The following JAG1 variants were observed in gnomAD, a reference collection of about 807,000 sequenced individuals.
The protein encoded by JAG1 is jagged canonical Notch ligand 1.
In JAG1, 23 loss-of-function variants were observed where a neutral mutation model predicts 148.7. The ratio of observed to expected loss-of-function variants is 0.15; its 90% CI spans 0.11 to 0.22. The LOEUF is 0.22. Ranked by LOEUF, JAG1 falls within the 10% of genes least tolerant of loss-of-function variation. The pLI is 1.00. For missense variants in JAG1, 1,054 were observed against 1,611.2 expected (o/e 0.65, Z 5.92); for synonymous variants, 572 against 598.3 (o/e 0.96, Z 0.64).
At chr20:10,663,276 G>A (rs942538964) in intron 3 of JAG1, among the ~76,000 whole-genome samples, 7 of 152,170 alleles carry the variant, frequency 4.6e-5, no homozygotes, top group Non-Finnish European at 4.4e-5. Context: ...GCTCGTGAGC[G>A]AAAACACTGT....
chr20:10,655,851 T>G (rs2122619414), intron 5 of JAG1, among the ~76,000 whole-genome samples: 1 of 152,306 alleles, frequency 6.6e-6, no homozygotes. Context: ...AGGAACAGAC[T>G]TCAAAGGACT....
At chr20:10,664,087 TC>T in intron 2 of JAG1, 73 bp from the exon 3 acceptor site, 1 of 1,185,048 alleles carries the variant, frequency 8.4e-7, no homozygotes, top group Non-Finnish European at 1.3e-6. Flanking sequence ...ATTCTTGGCC[TC>T]CCAGAATACC....
chr20:10,667,000 C>G (rs1379228148), intron 2 of JAG1, among the ~76,000 whole-genome samples: 2 of 152,204 alleles, frequency 1.3e-5, no homozygotes, highest in Non-Finnish European at 2.9e-5. Flanking sequence ...TACCTTGGCA[C>G]TGGGCAGAGC....
chr20:10,672,869 T>C lies in JAG1; in HGVS notation c.219A>G (p.Thr73=), dbSNP rs1216029732. The change falls in exon 2 of 26, where the codon ACA becomes ACG. Residue 73 remains threonine, a synonymous_variant. Transcript: ENST00000254958. ...DRKCTRDECD[T]YFKVCLKEYQ... is the part of the protein sequence containing the mutation. Reference sequence around the variant, plus strand: ...ACTCCTTGAGGCACACTTTGAAGTATGTGTCACACTCGTCGCGGGTGCACT... The same window carrying C: ...ACTCCTTGAGGCACACTTTGAAGTACGTGTCACACTCGTCGCGGGTGCACT... 6.2e-7 allele frequency: 1 copy of C among 1,613,308 alleles called. No homozygotes were observed.
Position 10,645,908 on chromosome 20 carries a change from G to C in JAG1, c.1999+63C>G. 8.8e-7 allele frequency: 1 copy of C among 1,140,522 alleles called. No individual in the cohort carries two copies. The highest frequency in any genetic ancestry group is 1.2e-5 in the South Asian group (1 of 81,788). The allele number at this position is 1,140,522 out of a possible 1,614,324, so 70.7% of individuals were successfully genotyped here. On this transcript the variant is annotated intron_variant, in intron 15 of 25. Transcript: ENST00000254958. The surrounding 1 kb of genome is among the most constrained non-coding windows in gnomAD (Gnocchi z 6.1). ...AGTACAAAGAAAGTTTTCCCACGTT[G>C]AAGTGGGATCCCTCCAACATGACCC...
In JAG1 at chr20:10,644,864, C is replaced by G. The variant is rs761900799; in HGVS notation, c.2343G>C (p.Gln781His). Residue 781 changes from glutamine to histidine, a missense_variant and splice_region_variant, in exon 18 of 26, where the codon CAG (glutamine) becomes CAC (histidine). Gln to His is a conservative substitution (Grantham distance 24). Transcript: ENST00000254958. ...AGTTCAAGGGGGGAGGACACTCACTCTGAGCACAGATGGGCCCCTCCCAGC... is the reference window on the plus strand; with the variant it reads ...AGTTCAAGGGGGGAGGACACTCACTGTGAGCACAGATGGGCCCCTCCCAGC... ...KEGWEGPICA[Q>H]NTNDCSPHPC... The G allele has an allele frequency of 6.2e-7, 1 of 1,610,786 alleles. No individual in the cohort carries two copies. Among genetic ancestry groups the G allele is most frequent in the South Asian group, 1.1e-5 (1 of 91,008 alleles).
Position 10,642,532 on chromosome 20 carries a change from C to T in JAG1, c.2528G>A (p.Arg843Gln), listed in dbSNP as rs751448440. 1.9e-5 allele frequency: 30 copies of T among 1,613,808 alleles called. No individual in the cohort carries two copies. Among genetic ancestry groups the T allele is most frequent in the African/African-American group, 8.0e-5 (6 of 75,026 alleles). ...ATCVDEINGY[R>Q]CVCPPGHSGA... is the part of the protein sequence containing the mutation. ...ACTGTGCCCTGGAGGGCAGACACAC[C>T]GGTAGCCATTGATCTCATCCACACA... The change falls in exon 21 of 26, where the codon CGG becomes CAG. Residue 843 changes from arginine to glutamine, a missense_variant. Coordinates refer to ENST00000254958, the MANE Select transcript of JAG1 (RefSeq NM_000214.3).
chr20:10,649,384 C>T, intron 10 of JAG1, 138 bp downstream of exon 10: 1 of 711,086 alleles, frequency 1.4e-6, no homozygotes. Context: ...GCTGCCCTGA[C>T]CACTCCCTCT....
chr20:10,641,783 C>T lies in JAG1; in HGVS notation c.2682G>A (p.Lys894=), dbSNP rs1896874855. ...AACTGCGGCAGCCATCATGTCCTAC[C>T]TTTGAGCAGGCGATCCGTCCATTCA... ...QCLNGRIACS[K]VWCGPRPCLL... The change falls in exon 22 of 26, where the codon AAG becomes AAA. Residue 894 remains lysine (K), a splice_region_variant and synonymous_variant. Coordinates refer to ENST00000254958, the MANE Select transcript of JAG1 (RefSeq NM_000214.3). 6.2e-7 allele frequency: 1 copy of T among 1,613,280 alleles called. No individual in the cohort carries two copies. Among genetic ancestry groups the T allele is most frequent in the African/African-American group, 1.3e-5 (1 of 74,910 alleles).
At chr20:10,664,979 T>G (rs182049081) in intron 2 of JAG1, among the ~76,000 whole-genome samples, 54 of 152,306 alleles carry the variant, frequency 3.5e-4, no homozygotes, top group African/African-American at 1.2e-3. Context: ...AGCGTTTAAA[T>G]GAAGCTTCTG....
Position 10,645,137 on chromosome 20 carries a change from A to C in JAG1, c.2227+6T>G. 6.2e-7 allele frequency: 1 copy of C among 1,611,170 alleles called. No homozygotes were observed. The highest frequency in any genetic ancestry group is 8.5e-7 in the Non-Finnish European group (1 of 1,177,232). The stretch of plus-strand genomic sequence containing the variant: ...ACTGCAGATCCCACGTGGGGCATAA[A>C]GTTACCTATGTTACAGGTTGTTCCT... On this transcript the variant is annotated splice_donor_region_variant and intron_variant, in intron 17 of 25. Coordinates refer to ENST00000254958, the MANE Select transcript of JAG1 (RefSeq NM_000214.3). The surrounding 1 kb of genome is among the most constrained non-coding windows in gnomAD (Gnocchi z 6.1).
chr20:10,665,053 T>A (rs1428713992), intron 2 of JAG1, among the ~76,000 whole-genome samples: 1 of 152,178 alleles, frequency 6.6e-6, no homozygotes, highest in Non-Finnish European at 1.5e-5. Context: ...TGAACTAGGT[T>A]ATGAATCCCT....
intron 3 of JAG1, among the ~76,000 whole-genome samples, chr20:10,659,897 A>C (rs1277419897): frequency 2.0e-5 from 3 of 152,176 alleles, no homozygotes; most frequent in African/African-American, 7.2e-5. Flanking sequence ...AAAATAGCTC[A>C]AACATCAGGT....
At chr20:10,672,265 G>A (rs1161369890) in intron 2 of JAG1, among the ~76,000 whole-genome samples, 1 of 152,128 alleles carries the variant, frequency 6.6e-6, no homozygotes, top group Non-Finnish European at 1.5e-5. Context: ...TCACGGGAAA[G>A]GGGAGGTTGC....
intron 5 of JAG1, among the ~76,000 whole-genome samples, chr20:10,655,383 C>G (rs2067371816): frequency 6.6e-6 from 1 of 152,128 alleles, no homozygotes; most frequent in Non-Finnish European, 1.5e-5. Flanking sequence ...CTTGTTAATT[C>G]TGGAAGTTAC....
chr20:10,647,281 T>C (rs1400565931), intron 13 of JAG1, 178 bp from the exon 14 acceptor site: 2 of 690,702 alleles, frequency 2.9e-6, no homozygotes, highest in Non-Finnish European at 2.6e-6. Context: ...CAGGCAAAGT[T>C]GAGACTCCAG....
In JAG1 at chr20:10,639,793, T is replaced by C. The variant is rs2067257299; in HGVS notation, c.3362A>G (p.Gln1121Arg). 6.2e-7 allele frequency: 1 copy of C among 1,614,204 alleles called. No individual in the cohort carries two copies. The highest frequency in any genetic ancestry group is 8.5e-7 in the Non-Finnish European group (1 of 1,180,038). The change falls in exon 26 of 26, where the codon CAG becomes CGG. Residue 1121 changes from glutamine to arginine, a missense_variant. By Grantham distance (43) the Gln-to-Arg change is conservative (BLOSUM62 1). Around this residue, in one of 6 missense-constraint regions of JAG1, gnomAD observed 177 missense variants for 177.3 expected, o/e 1.00. Transcript: ENST00000254958. ...ATGTTTCTCAATGGGGTTTTTGATC[T>C]GGTTCAGCTGCTCCCGCACGTTGTT... is the stretch of plus-strand genomic sequence containing the variant. ...TTNNVREQLN[Q>R]IKNPIEKHGA...
At position 10,645,505 on chromosome 20, in the gene JAG1, G is replaced by C. The variant is rs755080876; in HGVS notation, c.2000-36C>G. 6 of 1,543,574 alleles carry C rather than the reference G, an allele frequency of 3.9e-6. No homozygotes were observed. In the South Asian group the frequency reaches 6.7e-5, roughly 17 times the overall value. Reference sequence around the variant, plus strand: ...AGGGGAGACAATCGGCTGAAGACGAGATCCAGGACCATTCACGACAGGCGA... The same window carrying C: ...AGGGGAGACAATCGGCTGAAGACGACATCCAGGACCATTCACGACAGGCGA... On this transcript the variant is annotated intron_variant, in intron 15 of 25. Transcript: ENST00000254958. The surrounding 1 kb of genome is among the most constrained non-coding windows in gnomAD (Gnocchi z 6.1).
intron 3 of JAG1, among the ~76,000 whole-genome samples, chr20:10,663,305 C>G (rs886838307): frequency 1.3e-5 from 2 of 152,214 alleles, no homozygotes; most frequent in African/African-American, 4.8e-5. Context: ...AATTAAAGAG[C>G]AAGACTACTT....
Sources: allele counts gnomAD v4.1 joint callset (sites outside exome capture counted in the v4.1 genomes callset), GRCh38; gene constraint gnomAD v4.1.1; regional missense constraint gnomAD v4.1.1; non-coding constraint Gnocchi (gnomAD v3.1); transcripts MANE v1.5; gene names NCBI Gene and HGNC (gene_info 2026-07-23, HGNC 2026-07-21).